The following ROR2 variants were observed in gnomAD, a reference collection of about 807,000 sequenced individuals.
The protein encoded by ROR2 is ROR family WNT receptor 2, also known as tyrosine-protein kinase transmembrane receptor ROR2.
Under a neutral mutation model 74.9 loss-of-function variants are expected in ROR2, and 33 were observed. The ratio of observed to expected loss-of-function variants is 0.44; its 90% confidence interval spans 0.33 to 0.59. The LOEUF (loss-of-function observed/expected upper bound fraction) is 0.59. Ranked by LOEUF, ROR2 falls within the 20% of genes least tolerant of loss-of-function variation. The probability of loss-of-function intolerance (pLI) is 0.02; values close to 1 mark genes in which losing one functional copy is unlikely to be tolerated. For missense variants in ROR2, 1,216 were observed against 1,313.8 expected (o/e 0.93, Z 1.15); for synonymous variants, 586 against 558.7 (o/e 1.05, Z -0.69).
At chr9:91,788,823 C>T (rs1323036912) in intron 1 of ROR2, among the ~76,000 whole-genome samples, 1 of 149,086 alleles carries the variant, frequency 6.7e-6, no homozygotes, top group African/African-American at 2.5e-5. Context: ...GAGATGGTGC[C>T]GCACTCCAGC....
At chr9:91,937,282 A>T (rs990807959) in intron 1 of ROR2, among the ~76,000 whole-genome samples, 4 of 152,100 alleles carry the variant, frequency 2.6e-5, no homozygotes, top group Non-Finnish European at 4.4e-5. Flanking sequence ...TGATCATTTT[A>T]AAAATGTTAA....
chr9:91,815,168 A>G (rs1358710418), intron 1 of ROR2, among the ~76,000 whole-genome samples: 1 of 152,258 alleles, frequency 6.6e-6, no homozygotes, highest in African/African-American at 2.4e-5. Context: ...TCATGGTTAT[A>G]TAGATTATGT....
chr9:91,737,582 T>C (rs1335262668), intron 4 of ROR2, 64 bp from the exon 5 acceptor site: 8 of 1,611,594 alleles, frequency 5.0e-6, no homozygotes, highest in Non-Finnish European at 8.5e-7. Flanking sequence ...CAATGACTTC[T>C]TTTATGATCC....
intron 5 of ROR2, among the ~76,000 whole-genome samples, chr9:91,735,068 C>T (rs1824975173): frequency 6.6e-6 from 1 of 152,204 alleles, no homozygotes; most frequent in Non-Finnish European, 1.5e-5. Flanking sequence ...TCTAAGAATG[C>T]CAAAGCTGTC....
intron 1 of ROR2, among the ~76,000 whole-genome samples, chr9:91,899,764 C>A (rs1017454489): frequency 2.6e-5 from 4 of 152,146 alleles, no homozygotes; most frequent in African/African-American, 9.7e-5. Context: ...CACACACAAA[C>A]GTGTGCACAC....
At chr9:91,938,977 G>A (rs1355333868) in intron 1 of ROR2, among the ~76,000 whole-genome samples, 2 of 152,188 alleles carry the variant, frequency 1.3e-5, no homozygotes, top group Admixed American at 6.5e-5. Flanking sequence ...GTGGCCAGGC[G>A]CAGTGGCTCA....
At chr9:91,841,565 G>C (rs985239789) in intron 1 of ROR2, among the ~76,000 whole-genome samples, 3 of 152,242 alleles carry the variant, frequency 2.0e-5, no homozygotes, top group Non-Finnish European at 4.4e-5. Flanking sequence ...CCATCAGGTG[G>C]TTTGCAAATG....
At chr9:91,948,711 A>C in intron 1 of ROR2, 10 of 985,444 alleles carry the variant, frequency 1.0e-5, no homozygotes, top group Non-Finnish European at 1.2e-5. Flanking sequence ...CCCGATTCTC[A>C]CCTTCCTGCA....
intron 4 of ROR2, among the ~76,000 whole-genome samples, chr9:91,747,140 G>A (rs186370171): frequency 3.3e-5 from 5 of 152,276 alleles, no homozygotes; most frequent in Admixed American, 6.5e-5. Context: ...CTCCAAGCAC[G>A]ACCAACACTG....
Position 91,724,190 on chromosome 9 carries a change from C to A in ROR2, c.2304G>T (p.Thr768=), listed in dbSNP as rs559229993. The A allele has an allele frequency of 6.2e-7, 1 of 1,612,826 alleles. No homozygotes were observed. Among genetic ancestry groups the A allele is most frequent in the Non-Finnish European group, 8.5e-7 (1 of 1,180,020 alleles). Residue 768 remains threonine (T), a synonymous_variant, in exon 9 of 9, where the codon ACG becomes ACT. Transcript: ENST00000375708. ...GGCTGGTGCTCAGGGAGCTGGTCTG[C>A]GTGGTGTTGCTGGCCCCCGAGGTCT... is the stretch of plus-strand genomic sequence containing the variant. The part of the protein sequence containing the change: ...SAQTSGASNT[T]QTSSLSTSPV...
intron 1 of ROR2, among the ~76,000 whole-genome samples, chr9:91,873,386 G>A (rs541494690): frequency 6.8e-6 from 1 of 147,276 alleles, no homozygotes; most frequent in Non-Finnish European, 1.5e-5. Flanking sequence ...TCAGGAGTTC[G>A]ACATCAGCCT....
At chr9:91,766,534 C>T (rs572328741) in intron 2 of ROR2, among the ~76,000 whole-genome samples, 1 of 152,302 alleles carries the variant, frequency 6.6e-6, no homozygotes, top group East Asian at 1.9e-4. Flanking sequence ...CATCGATTCT[C>T]TAGGGGCCAA....
rs747862665 is a variant in ROR2, at chr9:91,733,436, G to A, written c.623C>T (p.Ala208Val). 3.8e-5 allele frequency: 61 copies of A among 1,609,732 alleles called. 1 individual carries two copies. The highest frequency in any genetic ancestry group is 1.1e-4 in the South Asian group (10 of 91,024). Residue 208 changes from alanine (A) to valine (V), a missense_variant and splice_region_variant, in exon 6 of 9, where the codon GCG (alanine) becomes GTG (valine). Coordinates refer to ENST00000375708, the MANE Select transcript of ROR2 (RefSeq NM_004560.4). The surrounding 1 kb of genome is among the most constrained non-coding windows in gnomAD (Gnocchi z 5.7). ...MQGEIENRIT[A>V]AFTMIGTSTH... ...AGACGTGCCGATCATGGTGAAGGCC[G>A]CTGCAGAGCCCGCGAGACTCGCGTT...
rs199506849 is a variant in ROR2, at chr9:91,724,432, A to C, written c.2062T>G (p.Tyr688Asp). The stretch of plus-strand genomic sequence containing the variant: ...TACCCGCAGTAGGGCTGCAGGCCGT[A>C]GCTGAAGACCTCCCACAGGACCACA... ...YGVVLWEVFS[Y>D]GLQPYCGYSN... is the part of the protein sequence containing the mutation. Residue 688 changes from tyrosine to aspartate, a missense_variant, in exon 9 of 9, where the codon TAC becomes GAC. Transcript: ENST00000375708. The C allele has an allele frequency of 2.4e-5, 39 of 1,614,194 alleles. No homozygotes were observed. In the South Asian group the frequency reaches 4.1e-4, roughly 17 times the overall value.
At chr9:91,876,832 A>T (rs1829967683) in intron 1 of ROR2, among the ~76,000 whole-genome samples, 1 of 152,164 alleles carries the variant, frequency 6.6e-6, no homozygotes, top group South Asian at 2.1e-4. Flanking sequence ...AGAAGTAAAG[A>T]GGAGCTTCAG....
At chr9:91,814,446 C>G (rs535484789) in intron 1 of ROR2, among the ~76,000 whole-genome samples, 1 of 152,078 alleles carries the variant, frequency 6.6e-6, no homozygotes, top group Non-Finnish European at 1.5e-5. Flanking sequence ...AGACAGGCTC[C>G]GGAGGGCCCT....
chr9:91,833,283 CT>C (rs1828520942), intron 1 of ROR2, among the ~76,000 whole-genome samples: 1 of 152,162 alleles, frequency 6.6e-6, no homozygotes, highest in Non-Finnish European at 1.5e-5. Flanking sequence ...CCACGCTGGG[CT>C]CCAGCGTCCT....
At chr9:91,794,217 A>G (rs1409831697) in intron 1 of ROR2, among the ~76,000 whole-genome samples, 1 of 152,258 alleles carries the variant, frequency 6.6e-6, no homozygotes, top group African/African-American at 2.4e-5. Flanking sequence ...AAGGACAGCA[A>G]TATTCACAAG....
At chr9:91,796,742 GCGGGGC>G (rs1827188410) in intron 1 of ROR2, among the ~76,000 whole-genome samples, 1 of 149,406 alleles carries the variant, frequency 6.7e-6, no homozygotes, top group African/African-American at 2.5e-5. Context: ...GGCTCTGTGG[GCGGGGC>G]TGACACCCTG....
Sources: allele counts gnomAD v4.1 joint callset (sites outside exome capture counted in the v4.1 genomes callset), GRCh38; gene constraint gnomAD v4.1.1; non-coding constraint Gnocchi (gnomAD v3.1); transcripts MANE v1.5; gene names NCBI Gene and HGNC (gene_info 2026-07-23, HGNC 2026-07-21).